TBCD: variants seen among roughly 807,000 people sequenced by gnomAD.
The protein encoded by TBCD is tubulin-specific chaperone D.
Under a neutral mutation model 169.3 loss-of-function variants are expected in TBCD, and 105 were observed. The observed-to-expected ratio is 0.62, with a 90% CI of 0.53 to 0.73. The LOEUF (loss-of-function observed/expected upper bound fraction) is 0.73. Among genes scored for constraint, TBCD ranks in the 30% least tolerant of loss-of-function variants. The probability of loss-of-function intolerance (pLI) is 0.00; values close to 1 mark genes in which losing one functional copy is unlikely to be tolerated. For synonymous variants in TBCD, 700 were observed against 643.9 expected (o/e 1.09, Z -1.32); for missense variants, 1,444 against 1,600.1 (o/e 0.90, Z 1.66).
At chr17:82,934,146 C>T (rs2062435408) in intron 34 of TBCD, among the ~76,000 whole-genome samples, 1 of 152,220 alleles carries the variant, frequency 6.6e-6, no homozygotes, top group African/African-American at 2.4e-5. Flanking sequence ...AGGAAGCCCC[C>T]TCTGGTGCTC....
At chr17:82,904,396 G>A (rs1391019522) in intron 19 of TBCD, among the ~76,000 whole-genome samples, 1 of 152,142 alleles carries the variant, frequency 6.6e-6, no homozygotes, top group Non-Finnish European at 1.5e-5. Context: ...TAGGTGGCTT[G>A]CACCTGCCAC....
intron 30 of TBCD, among the ~76,000 whole-genome samples, chr17:82,928,528 G>A (rs1687809961): frequency 6.7e-6 from 1 of 150,050 alleles, no homozygotes; most frequent in African/African-American, 2.5e-5. Context: ...CTGCCCTTGC[G>A]GATCTCTGTC....
chr17:82,856,082 C>T (rs1598966885), intron 13 of TBCD, among the ~76,000 whole-genome samples: 1 of 138,558 alleles, frequency 7.2e-6, no homozygotes, highest in Admixed American at 7.9e-5. Flanking sequence ...AAATGATCCT[C>T]TCATCTTGGC....
intron 6 of TBCD, among the ~76,000 whole-genome samples, chr17:82,779,023 T>A (rs1342640935): frequency 6.7e-6 from 1 of 148,296 alleles, no homozygotes; most frequent in Non-Finnish European, 1.5e-5. Flanking sequence ...TTTATTTATT[T>A]ATTTATTTTT....
intron 7 of TBCD, among the ~76,000 whole-genome samples, chr17:82,797,052 G>A (rs1268663232): frequency 1.3e-5 from 2 of 152,210 alleles, no homozygotes; most frequent in East Asian, 1.9e-4. Flanking sequence ...TTTCTTAGAA[G>A]GGCTCAGTTC....
At chr17:82,897,013 A>G (rs74000182) in intron 17 of TBCD, among the ~76,000 whole-genome samples, 292 of 152,198 alleles carry the variant, frequency 1.9e-3, no homozygotes, top group Non-Finnish European at 3.2e-3. Context: ...ATGCAGTTTC[A>G]GTCATCATCC....
intron 15 of TBCD, among the ~76,000 whole-genome samples, chr17:82,888,766 C>T (rs559762512): frequency 6.6e-6 from 1 of 152,242 alleles, no homozygotes; most frequent in Non-Finnish European, 1.5e-5. Flanking sequence ...GTGCTCCTCC[C>T]AGCAGCCATC....
At chr17:82,852,472 G>A (rs1283312129) in intron 13 of TBCD, among the ~76,000 whole-genome samples, 2 of 152,034 alleles carry the variant, frequency 1.3e-5, no homozygotes, top group Admixed American at 6.5e-5. Flanking sequence ...CAGCAGGCTC[G>A]GCAGCAGGCT....
intron 17 of TBCD, among the ~76,000 whole-genome samples, chr17:82,897,731 TCC>T (rs2059587176): frequency 6.6e-6 from 1 of 152,120 alleles, no homozygotes; most frequent in South Asian, 2.1e-4. Flanking sequence ...TCGCTGGGGC[TCC>T]CCCGTTTTAG....
Position 82,930,638 on chromosome 17 carries a change from T to A in TBCD, c.3108T>A (p.Asn1036Lys). The A allele has an allele frequency of 6.2e-7, 1 of 1,613,880 alleles. No homozygotes were observed. Among genetic ancestry groups the A allele is most frequent in the Non-Finnish European group, 8.5e-7 (1 of 1,179,826 alleles). The change falls in exon 33 of 39, where the codon AAT becomes AAA. Residue 1036 changes from asparagine to lysine, a missense_variant. By Grantham distance (94) the Asn-to-Lys change is moderately conservative (BLOSUM62 0). Coordinates refer to ENST00000355528, the MANE Select transcript of TBCD (RefSeq NM_005993.5). The surrounding 1 kb of genome is among the most constrained non-coding windows in gnomAD (Gnocchi z 5.2). ...AGATCTTTGAGGACAACCTTCTGAATGAGAGGTGAGTGGTGTCTCTTGGGG... is the reference window on the plus strand; with the variant it reads ...AGATCTTTGAGGACAACCTTCTGAAAGAGAGGTGAGTGGTGTCTCTTGGGG... The part of the protein sequence containing the change: ...LLQIFEDNLL[N>K]ERVSVPLLKT...
At chr17:82,761,892 AT>A (rs957889577) in intron 2 of TBCD, among the ~76,000 whole-genome samples, 9 of 147,734 alleles carry the variant, frequency 6.1e-5, no homozygotes, top group Non-Finnish European at 1.2e-4. Context: ...CACCCAGCTA[AT>A]TTTTTTTTTA....
chr17:82,815,230 G>C (rs144360781), intron 13 of TBCD, among the ~76,000 whole-genome samples: 34 of 152,374 alleles, frequency 2.2e-4, no homozygotes, highest in African/African-American at 8.2e-4. Context: ...TAATGCCACA[G>C]ATTACCCTGT....
intron 14 of TBCD, among the ~76,000 whole-genome samples, chr17:82,875,193 C>T (rs1232019164): frequency 6.6e-6 from 1 of 152,158 alleles, no homozygotes; most frequent in African/African-American, 2.4e-5. Context: ...GTAACTTTTA[C>T]CATGTGTTGA....
intron 6 of TBCD, among the ~76,000 whole-genome samples, chr17:82,780,705 C>T (rs2048892538): frequency 7.7e-6 from 1 of 129,714 alleles, no homozygotes; most frequent in Non-Finnish European, 1.6e-5. Flanking sequence ...AGTGCAGTGG[C>T]ACAATCTTGG....
In TBCD at chr17:82,923,654, T is replaced by C. The variant is rs1427160355; in HGVS notation, c.2181T>C (p.Asp727=). The change falls in exon 26 of 39, where the codon GAT becomes GAC. Residue 727 remains aspartate, a splice_region_variant and synonymous_variant. Coordinates refer to ENST00000355528, the MANE Select transcript of TBCD (RefSeq NM_005993.5). The surrounding 1 kb of genome is among the most constrained non-coding windows in gnomAD (Gnocchi z 4.6). ...TCACCGTGCTGCCTTTGTTTTAGGA[T>C]GCAGCAGTCTCGGCCCTGGCTGCTC... ...ISSHSRQQMK[D]AAVSALAALC... 2.5e-6 allele frequency: 4 copies of C among 1,573,516 alleles called. No homozygotes were observed. Among genetic ancestry groups the C allele is most frequent in the Middle Eastern group, 1.7e-4 (1 of 5,832 alleles).
intron 13 of TBCD, among the ~76,000 whole-genome samples, chr17:82,827,177 A>G (rs767344894): frequency 2.0e-5 from 3 of 152,220 alleles, no homozygotes; most frequent in East Asian, 3.8e-4. Context: ...TGGTGTTTCA[A>G]CTTTTTCCAA....
At chr17:82,842,744 T>C (rs1219271277) in intron 13 of TBCD, among the ~76,000 whole-genome samples, 1 of 152,042 alleles carries the variant, frequency 6.6e-6, no homozygotes, top group African/African-American at 2.4e-5. Flanking sequence ...TCATTTACCT[T>C]CAGATTTTTG....
rs1028646457 is a variant in TBCD, at chr17:82,752,467, C to T, written c.184+90C>T. On this transcript the variant is annotated intron_variant, in intron 1 of 38. Coordinates refer to ENST00000355528, the MANE Select transcript of TBCD (RefSeq NM_005993.5). Reference sequence around the variant, plus strand: ...TTACCGGGCGGGGACCGCAGCCCGGCGGCGCCGGCCGCTCTGCGAGGGCTG... The same window carrying T: ...TTACCGGGCGGGGACCGCAGCCCGGTGGCGCCGGCCGCTCTGCGAGGGCTG... The T allele has an allele frequency of 4.8e-6, 5 of 1,037,922 alleles. No individual in the cohort carries two copies. In the African/African-American group the frequency reaches 5.1e-5, roughly 11 times the overall value. The allele number at this position is 1,037,922 out of a possible 1,614,324, so 64.3% of individuals were successfully genotyped here.
intron 7 of TBCD, among the ~76,000 whole-genome samples, chr17:82,794,255 A>G (rs202121662): frequency 1.2e-3 from 162 of 140,690 alleles, no homozygotes; most frequent in African/African-American, 4.1e-3. Flanking sequence ...AACATGCCCC[A>G]GGGGGGGGAA....
Sources: gnomAD v4.1 joint callset for allele counts (sites outside exome capture counted in the v4.1 genomes callset) on GRCh38, gnomAD v4.1.1 for gene constraint, Gnocchi (gnomAD v3.1) non-coding constraint, MANE v1.5 for transcripts, NCBI Gene and HGNC (gene_info 2026-07-23, HGNC 2026-07-21) for gene names.